The following ZEB1 variants were observed in gnomAD, a reference collection of about 807,000 sequenced individuals.
ZEB1 encodes the protein zinc finger E-box-binding homeobox 1.
ZEB1 carries 21 observed loss-of-function variants against 84.9 expected under a neutral mutation model. The observed-to-expected ratio is 0.25, with a 90% CI of 0.18 to 0.36. The LOEUF is 0.36. Among genes scored for constraint, ZEB1 ranks in the 10% least tolerant of loss-of-function variants. The probability of loss-of-function intolerance (pLI) is 1.00; values close to 1 mark genes in which losing one functional copy is unlikely to be tolerated. For synonymous variants in ZEB1, 420 were observed against 471.1 expected (o/e 0.89, Z 1.41); for missense variants, 1,104 against 1,330.2 (o/e 0.83, Z 2.65).
At chr10:31,352,769 C>A (rs1435988891) in intron 1 of ZEB1, among the ~76,000 whole-genome samples, 2 of 152,108 alleles carry the variant, frequency 1.3e-5, no homozygotes, top group African/African-American at 4.8e-5. Context: ...GAAGCTGCAG[C>A]CTTTTAAAGG....
intron 2 of ZEB1, among the ~76,000 whole-genome samples, chr10:31,475,636 A>T (rs1435136365): frequency 6.6e-6 from 1 of 152,290 alleles, no homozygotes; most frequent in African/African-American, 2.4e-5. Context: ...TTAGAGGCCT[A>T]TTTTTAACCA....
At chr10:31,355,861 T>C (rs1006532696) in intron 1 of ZEB1, among the ~76,000 whole-genome samples, 3 of 152,094 alleles carry the variant, frequency 2.0e-5, no homozygotes, top group African/African-American at 7.2e-5. Flanking sequence ...CATGGAAAGG[T>C]TTTAAGCATC....
chr10:31,345,256 G>A (rs1286708034), intron 1 of ZEB1, among the ~76,000 whole-genome samples: 1 of 152,040 alleles, frequency 6.6e-6, no homozygotes, highest in Non-Finnish European at 1.5e-5. Context: ...CCATTTACCT[G>A]AAGATTAAAG....
At chr10:31,343,650 A>G (rs1421042774) in intron 1 of ZEB1, among the ~76,000 whole-genome samples, 4 of 152,052 alleles carry the variant, frequency 2.6e-5, no homozygotes, top group Non-Finnish European at 5.9e-5. Context: ...TATGTTATAA[A>G]ATGTGTTTGT....
chr10:31,464,754 C>T (rs2062195890), intron 2 of ZEB1, among the ~76,000 whole-genome samples: 1 of 152,192 alleles, frequency 6.6e-6, no homozygotes, highest in East Asian at 1.9e-4. Flanking sequence ...AAAAACACTG[C>T]TGACCAAGCA....
intron 1 of ZEB1, among the ~76,000 whole-genome samples, chr10:31,338,600 A>C (rs1422394615): frequency 6.6e-6 from 1 of 152,228 alleles, no homozygotes; most frequent in Non-Finnish European, 1.5e-5. Flanking sequence ...TGATGAAATA[A>C]TTATATTATT....
At chr10:31,381,243 A>G (rs1157029287) in intron 1 of ZEB1, among the ~76,000 whole-genome samples, 1 of 152,202 alleles carries the variant, frequency 6.6e-6, no homozygotes, top group African/African-American at 2.4e-5. Context: ...ATCTAGAAAA[A>G]TCTACAGCAA....
At chr10:31,483,207 A>G (rs991656112) in intron 2 of ZEB1, among the ~76,000 whole-genome samples, 2 of 152,036 alleles carry the variant, frequency 1.3e-5, no homozygotes, top group African/African-American at 4.8e-5. Flanking sequence ...GAAAAATAAT[A>G]CTGAGTGTAC....
chr10:31,380,772 G>GAT (rs1197464794), intron 1 of ZEB1, among the ~76,000 whole-genome samples: 2 of 152,142 alleles, frequency 1.3e-5, no homozygotes, highest in African/African-American at 4.8e-5. Flanking sequence ...GGTAACTTGA[G>GAT]ATACTGCAAG....
chr10:31,467,953 T>C (rs998625222), intron 2 of ZEB1, among the ~76,000 whole-genome samples: 1 of 151,972 alleles, frequency 6.6e-6, no homozygotes, highest in African/African-American at 2.4e-5. Flanking sequence ...GCTGCCAGGG[T>C]GGACACTGGA....
chr10:31,521,793 C>G lies in ZEB1; in HGVS notation c.2461C>G (p.Gln821Glu). 1 of 1,614,000 alleles carries G rather than the reference C, an allele frequency of 6.2e-7. No homozygotes were observed. Among genetic ancestry groups the G allele is most frequent in the Non-Finnish European group, 8.5e-7 (1 of 1,179,950 alleles). Residue 821 changes from glutamine to glutamate, a missense_variant, in exon 7 of 9, where the codon CAG becomes GAG. Transcript: ENST00000424869. Reference sequence around the variant, plus strand: ...ACCCACAATCGTGGCCATTGCTGACCAGAACAGTGTTCCATGCTTAAGAGC... The same window carrying G: ...ACCCACAATCGTGGCCATTGCTGACGAGAACAGTGTTCCATGCTTAAGAGC... ...QLPTIVAIAD[Q>E]NSVPCLRALA...
At chr10:31,438,464 T>C (rs1424230277) in intron 1 of ZEB1, among the ~76,000 whole-genome samples, 1 of 152,216 alleles carries the variant, frequency 6.6e-6, no homozygotes, top group African/African-American at 2.4e-5. Flanking sequence ...ATTCTTTAGA[T>C]TTTATTTCAG....
At chr10:31,320,589 C>T (rs2033689088) in intron 1 of ZEB1, 1 of 152,090 alleles carries the variant, frequency 6.6e-6, no homozygotes, top group Non-Finnish European at 1.5e-5. Flanking sequence ...GAAACACACA[C>T]CCCTCTGCCT....
chr10:31,337,759 C>T (rs2038483970), intron 1 of ZEB1, among the ~76,000 whole-genome samples: 3 of 142,980 alleles, frequency 2.1e-5, no homozygotes, highest in African/African-American at 8.1e-5. Context: ...AATCTCGGCT[C>T]ACTGCTGCCT....
intron 1 of ZEB1, among the ~76,000 whole-genome samples, chr10:31,438,837 T>G (rs2058569750): frequency 6.6e-6 from 1 of 152,146 alleles, no homozygotes; most frequent in Non-Finnish European, 1.5e-5. Context: ...GAGTGAGACC[T>G]CGTGTCTAAA....
intron 1 of ZEB1, among the ~76,000 whole-genome samples, chr10:31,323,721 T>G (rs991697704): frequency 6.6e-6 from 1 of 152,114 alleles, no homozygotes; most frequent in Non-Finnish European, 1.5e-5. Context: ...TGAGACTGTA[T>G]TTAGTTATGT....
chr10:31,435,908 C>T (rs764102010), intron 1 of ZEB1, among the ~76,000 whole-genome samples: 6 of 152,058 alleles, frequency 3.9e-5, no homozygotes, highest in Admixed American at 6.6e-5. Flanking sequence ...AGTTTACAGG[C>T]GGAAGCAAAC....
intron 2 of ZEB1, among the ~76,000 whole-genome samples, chr10:31,472,177 CA>C (rs2063358526): frequency 6.6e-6 from 1 of 151,310 alleles, no homozygotes; most frequent in Non-Finnish European, 1.5e-5. Context: ...CAAACACATT[CA>C]AAAGCTAGCA....
intron 1 of ZEB1, among the ~76,000 whole-genome samples, chr10:31,460,182 T>G (rs2061662022): frequency 6.6e-6 from 1 of 152,072 alleles, no homozygotes; most frequent in Admixed American, 6.6e-5. Context: ...CTAGATTATT[T>G]ATTTTATAGA....
Sources: allele counts gnomAD v4.1 joint callset (sites outside exome capture counted in the v4.1 genomes callset), GRCh38; gene constraint gnomAD v4.1.1; transcripts MANE v1.5; gene names NCBI Gene and HGNC (gene_info 2026-07-23, HGNC 2026-07-21).